EXOC4: variants seen among roughly 807,000 people sequenced by gnomAD.
EXOC4 encodes SEC8-like 1.
A neutral mutation model predicts 107.2 loss-of-function variants in EXOC4; 71 were observed. That is an observed-to-expected ratio of 0.66 (90% CI 0.55 to 0.81). The LOEUF is 0.81. Among genes scored for constraint, EXOC4 ranks in the 30% least tolerant of loss-of-function variants. EXOC4 has a pLI of 0.00. For missense variants in EXOC4, 1,108 were observed against 1,189.6 expected, an observed-to-expected ratio of 0.93 and a Z score of 1.01; for synonymous variants, 456 against 441.2, an observed-to-expected ratio of 1.03 and a Z score of -0.42.
intron 10 of EXOC4, among the ~76,000 whole-genome samples, chr7:133,794,606 G>A (rs1254443815): frequency 6.6e-6 from 1 of 152,078 alleles, no homozygotes; most frequent in Non-Finnish European, 1.5e-5. Flanking sequence ...AATTTATTCA[G>A]GTTTCAATTT....
At chr7:133,501,617 G>C (rs1236044993) in intron 9 of EXOC4, among the ~76,000 whole-genome samples, 2 of 152,058 alleles carry the variant, frequency 1.3e-5, no homozygotes, top group East Asian at 3.9e-4. Flanking sequence ...CTGAATCTCT[G>C]GTTTCTAGGG....
At chr7:133,390,771 C>G (rs1162559117) in intron 7 of EXOC4, among the ~76,000 whole-genome samples, 1 of 152,164 alleles carries the variant, frequency 6.6e-6, no homozygotes, top group Non-Finnish European at 1.5e-5. Context: ...TCCTCCCTAG[C>G]TGAAAGGATT....
chr7:134,009,145 G>A (rs760066501), intron 17 of EXOC4, among the ~76,000 whole-genome samples: 2 of 152,080 alleles, frequency 1.3e-5, no homozygotes, highest in Admixed American at 6.5e-5. Flanking sequence ...GGATTATTCC[G>A]TAAACTCCCT....
chr7:133,288,303 A>T lies in EXOC4; in HGVS notation c.277-619A>T, dbSNP rs973236384. ...TTTTGCCTATGCTAGTCACTATACT[A>T]TGCAGATCTACAGGTGGTGGAGATT... On this transcript the variant is annotated intron_variant, in intron 2 of 17. Coordinates refer to ENST00000253861, the MANE Select transcript of EXOC4 (RefSeq NM_021807.4). Among the ~76,000 whole-genome samples the T allele has an allele frequency of 2.0e-5, 3 of 152,164 alleles. No individual in the cohort carries two copies. In the East Asian group the frequency reaches 5.8e-4, roughly 29 times the overall value.
chr7:134,001,253 A>G (rs1391835172), intron 15 of EXOC4, among the ~76,000 whole-genome samples: 4 of 152,130 alleles, frequency 2.6e-5, no homozygotes, highest in Non-Finnish European at 4.4e-5. Flanking sequence ...TTTTCTCACC[A>G]TCAGGAGGGC....
At chr7:133,407,222 T>A (rs1257891320) in intron 7 of EXOC4, among the ~76,000 whole-genome samples, 2 of 152,130 alleles carry the variant, frequency 1.3e-5, no homozygotes, top group Non-Finnish European at 2.9e-5. Context: ...TTAGAAACAA[T>A]CCTGTTAGGT....
At chr7:133,751,290 A>G (rs1795788687) in intron 10 of EXOC4, among the ~76,000 whole-genome samples, 1 of 152,324 alleles carries the variant, frequency 6.6e-6, no homozygotes, top group East Asian at 1.9e-4. Flanking sequence ...GTCTAGTCAC[A>G]TTTCTAAGCA....
At chr7:133,622,455 GA>G (rs1425416834) in intron 9 of EXOC4, among the ~76,000 whole-genome samples, 2 of 152,094 alleles carry the variant, frequency 1.3e-5, no homozygotes, top group Non-Finnish European at 2.9e-5. Flanking sequence ...GTGAGGATGG[GA>G]TAAGTATCAT....
chr7:133,957,392 C>G (rs958575788), intron 14 of EXOC4, among the ~76,000 whole-genome samples: 1 of 152,182 alleles, frequency 6.6e-6, no homozygotes, highest in African/African-American at 2.4e-5. Context: ...ATTAAAATAT[C>G]TACCATAACT....
intron 4 of EXOC4, chr7:133,315,304 C>T (rs1794966256): frequency 6.6e-6 from 1 of 152,360 alleles, no homozygotes; most frequent in Non-Finnish European, 1.5e-5. Context: ...GATGAAGACA[C>T]TAGACAGTGA....
rs116508681 is a variant in EXOC4 at position 133,520,921 on chromosome 7, G to A, written c.1417+40783G>A. ...CCAAGGATGCTTTTAGATAGCACCAGTATGATGAGGGAAATAAGCTTTCAT... is the reference window on the plus strand; with the variant it reads ...CCAAGGATGCTTTTAGATAGCACCAATATGATGAGGGAAATAAGCTTTCAT... On this transcript the variant is annotated intron_variant, in intron 9 of 17. Transcript: ENST00000253861. Among the ~76,000 whole-genome samples, 819 of 152,260 alleles carry A rather than the reference G, an allele frequency of 5.4e-3. 9 individuals carry two copies. The highest frequency in any genetic ancestry group is 0.018 in the African/African-American group (767 of 41,546).
chr7:133,909,891 A>C (rs1161647413), intron 12 of EXOC4, among the ~76,000 whole-genome samples: 1 of 152,100 alleles, frequency 6.6e-6, no homozygotes, highest in South Asian at 2.1e-4. Flanking sequence ...TATTATAAGA[A>C]AAATCTGAAC....
the EXOC4 span, among the ~76,000 whole-genome samples, chr7:134,094,453 G>A: frequency 5.3e-5 from 8 of 151,938 alleles, no homozygotes; most frequent in South Asian, 2.1e-4. Flanking sequence ...ATCCCAGACC[G>A]GGTGGATTCA....
At chr7:133,653,768 C>A (rs574574677) in intron 10 of EXOC4, among the ~76,000 whole-genome samples, 2 of 152,308 alleles carry the variant, frequency 1.3e-5, no homozygotes, top group African/African-American at 4.8e-5. Flanking sequence ...TATTTCTGAA[C>A]TGCCCAGCAG....
At chr7:133,602,302 T>C (rs184429680) in intron 9 of EXOC4, among the ~76,000 whole-genome samples, 1 of 152,356 alleles carries the variant, frequency 6.6e-6, no homozygotes, top group Non-Finnish European at 1.5e-5. Flanking sequence ...GATTAAGCAG[T>C]GTAGTAGGGT....
rs372953342 is a variant in EXOC4 at position 133,817,350 on chromosome 7, C to T, written c.1540C>T (p.Leu514=). 2 of 1,613,924 alleles carry T rather than the reference C, an allele frequency of 1.2e-6. No homozygotes were observed. ...LRFIQEIEHA[L]GLGPAKQCPL... ...ATTTATTCAGGAGATTGAGCATGCT[C>T]TGGGTCTTGGCCCAGCCAAACAGTG... The change falls in exon 11 of 18, where the codon CTG becomes TTG. Residue 514 remains leucine, a synonymous_variant. Transcript: ENST00000253861.
intron 9 of EXOC4, among the ~76,000 whole-genome samples, chr7:133,523,152 G>A (rs905568601): frequency 3.9e-5 from 6 of 152,078 alleles, no homozygotes; most frequent in Admixed American, 3.9e-4. Context: ...CCCCCTTCTA[G>A]GATATTTTAG....
chr7:133,648,829 A>G (rs1367137657), intron 10 of EXOC4, among the ~76,000 whole-genome samples: 2 of 152,186 alleles, frequency 1.3e-5, no homozygotes, highest in African/African-American at 4.8e-5. Context: ...GCAGTTAAAA[A>G]CAGAAGTTGT....
intron 9 of EXOC4, among the ~76,000 whole-genome samples, chr7:133,584,576 T>TTTG (rs1366687239): frequency 3.8e-5 from 5 of 132,630 alleles, no homozygotes; most frequent in Non-Finnish European, 8.1e-5. Flanking sequence ...GTATTTCAGT[T>TTTG]TTTTTTTTGT....
Sources: gnomAD v4.1 joint callset for allele counts (sites outside exome capture counted in the v4.1 genomes callset) on GRCh38, gnomAD v4.1.1 for gene constraint, MANE v1.5 for transcripts, NCBI Gene and HGNC (gene_info 2026-07-23, HGNC 2026-07-21) for gene names.